The following DNAH11 variants were observed in gnomAD, a reference collection of about 807,000 sequenced individuals.
The protein encoded by DNAH11 is axonemal beta dynein heavy chain 11.
In DNAH11, 442 loss-of-function variants were observed where a neutral mutation model predicts 526.0. That is an observed-to-expected ratio of 0.84 (90% CI 0.78 to 0.91). The LOEUF (loss-of-function observed/expected upper bound fraction) is 0.91. Among genes scored for constraint, DNAH11 ranks in the 40% least tolerant of loss-of-function variants. The pLI is 0.00. For synonymous variants in DNAH11, 2,461 were observed against 1,935.9 expected, an observed-to-expected ratio of 1.27 and a Z score of -7.12; for missense variants, 6,989 against 5,448.7, an observed-to-expected ratio of 1.28 and a Z score of -8.90.
chr7:21,552,862 G>C (rs1032019899), intron 2 of DNAH11, among the ~76,000 whole-genome samples: 7 of 151,984 alleles, frequency 4.6e-5, no homozygotes, highest in Admixed American at 4.6e-4. Flanking sequence ...TACTGAGGAG[G>C]GTGTAGGGGT....
chr7:21,773,799 G>A lies in DNAH11; in HGVS notation c.9136G>A (p.Ala3046Thr), dbSNP rs763800651. Residue 3046 changes from alanine to threonine, a missense_variant, in exon 56 of 82, where the codon GCA becomes ACA. Physicochemically the swap from Ala to Thr is moderately conservative, Grantham distance 58. Coordinates refer to ENST00000409508, the MANE Select transcript of DNAH11 (RefSeq NM_001277115.2). ...VHKDSISLFMAHVHTTVNEMS... is the reference protein window; with the variant it reads ...VHKDSISLFMTHVHTTVNEMS... ...CAAAGACTCTATTAGCCTTTTCATG[G>A]CACATGTTCACACCACTGTAAATGA... The A allele has an allele frequency of 1.9e-6, 3 of 1,604,796 alleles. No individual in the cohort carries two copies.
rs144503871 is a variant in DNAH11, at chr7:21,597,397, T to C, written c.2668-2390T>C. On this transcript the variant is annotated intron_variant, in intron 14 of 81. Transcript: ENST00000409508. ...AATGTGTATTAGGTCTTTGTTTTCA[T>C]GTCTATGTTAGTATGTTTTCACACT... 1.8e-3 allele frequency among the ~76,000 whole-genome samples: 270 copies of C among 152,276 alleles called. 1 individual carries two copies. The highest frequency in any genetic ancestry group is 6.1e-3 in the African/African-American group (254 of 41,554).
At chr7:21,545,270 TG>T in intron 2 of DNAH11, 121 bp downstream of exon 2, 2 of 107,790 alleles carry the variant, frequency 1.9e-5, no homozygotes, top group East Asian at 3.8e-4. Flanking sequence ...GGGATGGGGG[TG>T]GTTAAAAAAA....
Position 21,599,799 on chromosome 7 carries a change from C to T in DNAH11, c.2680C>T (p.Leu894Phe). Reference sequence around the variant, plus strand: ...TGTCTGTTTCTAGGAAAATAGGAAGCTCTTCAAAGCCAATCCCTCTCTGGA... The same window carrying T: ...TGTCTGTTTCTAGGAAAATAGGAAGTTCTTCAAAGCCAATCCCTCTCTGGA... The part of the protein sequence containing the change: ...IHNLVEENRK[L>F]FKANPSLDTW... Residue 894 changes from leucine to phenylalanine, a missense_variant, in exon 15 of 82, where the codon CTC becomes TTC. Transcript: ENST00000409508. The T allele has an allele frequency of 1.9e-6, 3 of 1,544,088 alleles. No homozygotes were observed. The highest frequency in any genetic ancestry group is 1.7e-4 in the Middle Eastern group (1 of 5,760).
chr7:21,777,310 A>G (rs1472626196), intron 56 of DNAH11, among the ~76,000 whole-genome samples: 4 of 152,226 alleles, frequency 2.6e-5, no homozygotes, highest in South Asian at 4.1e-4. Flanking sequence ...AGGTAGCACA[A>G]TTTAACCATT....
At chr7:21,794,191 C>T (rs1485137324) in intron 61 of DNAH11, among the ~76,000 whole-genome samples, 1 of 152,118 alleles carries the variant, frequency 6.6e-6, no homozygotes, top group Admixed American at 6.5e-5. Flanking sequence ...TCTTAAACTA[C>T]TATTTTGAAT....
chr7:21,547,441 G>T (rs922647754), intron 2 of DNAH11, among the ~76,000 whole-genome samples: 14 of 152,192 alleles, frequency 9.2e-5, no homozygotes, highest in African/African-American at 3.1e-4. Flanking sequence ...CACACCCGGG[G>T]CAGTTACAGC....
At chr7:21,712,737 G>T (rs1784508069) in intron 42 of DNAH11, among the ~76,000 whole-genome samples, 1 of 152,136 alleles carries the variant, frequency 6.6e-6, no homozygotes, top group African/African-American at 2.4e-5. Flanking sequence ...TTTTAAAATT[G>T]TGCCTGGATC....
chr7:21,815,513 T>C (rs1328889917), intron 63 of DNAH11, among the ~76,000 whole-genome samples: 2 of 152,158 alleles, frequency 1.3e-5, no homozygotes, highest in Non-Finnish European at 2.9e-5. Context: ...TTTGAAGCTC[T>C]GTGACAAACC....
At chr7:21,768,982 T>A (rs373349563) in intron 55 of DNAH11, among the ~76,000 whole-genome samples, 5 of 152,136 alleles carry the variant, frequency 3.3e-5, no homozygotes, top group African/African-American at 1.2e-4. Context: ...ACCCTAAAAC[T>A]TAAAGTATAA....
At chr7:21,875,001 A>G (rs755983507) in intron 74 of DNAH11, among the ~76,000 whole-genome samples, 10 of 152,224 alleles carry the variant, frequency 6.6e-5, no homozygotes, top group South Asian at 4.1e-4. Flanking sequence ...TTTTGGGTCA[A>G]TACGTAAACC....
intron 54 of DNAH11, among the ~76,000 whole-genome samples, chr7:21,760,452 A>G (rs779587717): frequency 6.6e-6 from 1 of 152,176 alleles, no homozygotes; most frequent in Non-Finnish European, 1.5e-5. Context: ...TGACCTCGTA[A>G]TCACATCAAA....
In DNAH11 at chr7:21,588,114, T is replaced by G. The variant is rs751162929; in HGVS notation, c.1761T>G (p.Ile587Met). 6.0e-5 allele frequency: 96 copies of G among 1,613,376 alleles called. No homozygotes were observed. The East Asian group carries it at 2.0e-3, about 34-fold the overall frequency. Reference protein sequence around the residue: ...NFLEKPVVMEIFSLHYSTLVH... With the variant: ...NFLEKPVVMEMFSLHYSTLVH... ...TAGAGAAGCCAGTTGTCATGGAAAT[T>G]TTCAGCCTACATTACAGCACACTAG... Residue 587 changes from isoleucine (I) to methionine (M), a missense_variant, in exon 10 of 82, where the codon ATT (isoleucine) becomes ATG (methionine). By Grantham distance (10) the Ile-to-Met change is conservative. Coordinates refer to ENST00000409508, the MANE Select transcript of DNAH11 (RefSeq NM_001277115.2).
At chr7:21,749,282 T>C (rs992510437) in intron 52 of DNAH11, among the ~76,000 whole-genome samples, 1 of 152,238 alleles carries the variant, frequency 6.6e-6, no homozygotes, top group Admixed American at 6.5e-5. Context: ...AAAAATCACA[T>C]ATTTTTAATA....
In DNAH11 at chr7:21,676,011, A is replaced by G. The variant is rs543487178; in HGVS notation, c.5329-5535A>G. ...AGGGAAGATGACTCCCGGAACATGA[A>G]GTGGTTGCTGTGGCCTTAAAACAGC... On this transcript the variant is annotated intron_variant, in intron 30 of 81. Transcript: ENST00000409508. 1.1e-4 allele frequency among the ~76,000 whole-genome samples: 17 copies of G among 152,276 alleles called. 1 individual carries two copies. The South Asian group carries it at 2.9e-3, about 26-fold the overall frequency.
At chr7:21,726,114 T>G (rs1426816889) in intron 45 of DNAH11, 130 bp downstream of exon 45, 1 of 955,404 alleles carries the variant, frequency 1.0e-6, no homozygotes, top group African/African-American at 1.7e-5. Context: ...CCAGGAAGCA[T>G]GATGCTGGCA....
chr7:21,562,917 A>AAAATTC (rs1379716314), intron 5 of DNAH11, among the ~76,000 whole-genome samples: 5 of 152,188 alleles, frequency 3.3e-5, no homozygotes, highest in Admixed American at 1.3e-4. Flanking sequence ...TCCTGGTGAC[A>AAAATTC]AAATTCAGCA....
intron 30 of DNAH11, among the ~76,000 whole-genome samples, chr7:21,670,221 G>A (rs796991245): frequency 2.6e-5 from 4 of 152,046 alleles, no homozygotes; most frequent in South Asian, 4.1e-4. Flanking sequence ...AATGTTTTCT[G>A]TAGTTTTCAA....
intron 9 of DNAH11, among the ~76,000 whole-genome samples, chr7:21,586,703 A>T (rs1455241704): frequency 1.3e-5 from 2 of 152,244 alleles, no homozygotes; most frequent in African/African-American, 2.4e-5. Context: ...CCATATTGCT[A>T]AACAAGGCGT....
Sources: allele counts gnomAD v4.1 joint callset (sites outside exome capture counted in the v4.1 genomes callset), GRCh38; gene constraint gnomAD v4.1.1; transcripts MANE v1.5; gene names NCBI Gene and HGNC (gene_info 2026-07-23, HGNC 2026-07-21).